NEK10: variants seen among roughly 807,000 people sequenced by gnomAD.
The protein encoded by NEK10 is serine/threonine-protein kinase Nek10.
In NEK10, 122 loss-of-function variants were observed where a neutral mutation model predicts 159.8. That is an observed-to-expected ratio of 0.76 (90% CI 0.66 to 0.89). The LOEUF is 0.89. Among genes scored for constraint, NEK10 ranks in the 40% least tolerant of loss-of-function variants. NEK10 has a pLI of 0.00. For missense variants in NEK10, 1,342 were observed against 1,323.1 expected (o/e 1.01, Z -0.22); for synonymous variants, 466 against 457.1 (o/e 1.02, Z -0.25).
In NEK10 at chr3:27,264,896, A is replaced by G. The variant is rs1208908868; in HGVS notation, c.2015-8525T>C. Among the ~76,000 whole-genome samples the G allele has an allele frequency of 1.5e-3, 7 of 4,546 alleles. No homozygotes were observed. In the East Asian group the frequency reaches 0.023, roughly 15 times the overall value. The allele number at this position is 4,546 out of a possible 152,430, so 3.0% of individuals were successfully genotyped here. On this transcript the variant is annotated intron_variant, in intron 22 of 35. Coordinates refer to ENST00000691995, the MANE Select transcript of NEK10 (RefSeq NM_001394966.1). The stretch of plus-strand genomic sequence containing the variant: ...GCAACATGAGCGAAAATCAGTCTAA[A>G]TAAATAAATAAATAAATAAATAAAT...
chr3:27,334,756 G>A (rs1364031724), intron 5 of NEK10, among the ~76,000 whole-genome samples: 2 of 152,090 alleles, frequency 1.3e-5, no homozygotes, highest in African/African-American at 4.8e-5. Context: ...CCATATGAAA[G>A]CCAATTTTAA....
chr3:27,287,518 G>A (rs1336241659), intron 20 of NEK10, among the ~76,000 whole-genome samples, 180 bp downstream of exon 20: 1 of 152,158 alleles, frequency 6.6e-6, no homozygotes, highest in African/African-American at 2.4e-5. Flanking sequence ...ATCTTCAGGT[G>A]ACTGACTAGG....
Position 27,327,637 on chromosome 3 carries a change from G to A in NEK10, c.363-5376C>T, listed in dbSNP as rs190265018. On this transcript the variant is annotated intron_variant, in intron 5 of 35. Coordinates refer to ENST00000691995, the MANE Select transcript of NEK10 (RefSeq NM_001394966.1). The stretch of plus-strand genomic sequence containing the variant: ...GGTTCCAAGTAAAAAGTCAGTCCAC[G>A]AAGCTGTGCTATTATAATGAAGCAG... Among the ~76,000 whole-genome samples the A allele has an allele frequency of 3.9e-5, 6 of 152,334 alleles. No homozygotes were observed. The East Asian group carries it at 5.8e-4, about 15-fold the overall frequency.
chr3:27,142,748 T>A (rs970749345), intron 30 of NEK10, among the ~76,000 whole-genome samples: 1 of 152,178 alleles, frequency 6.6e-6, no homozygotes, highest in Non-Finnish European at 1.5e-5. Flanking sequence ...CAACTTGTTT[T>A]ATTATAAGCA....
chr3:27,149,859 C>A (rs913981994), intron 30 of NEK10, among the ~76,000 whole-genome samples: 1 of 152,188 alleles, frequency 6.6e-6, no homozygotes, highest in Non-Finnish European at 1.5e-5. Context: ...GAAAGCTAGG[C>A]CTCTTGCATC....
At chr3:27,223,784 C>T (rs1373688400) in intron 23 of NEK10, among the ~76,000 whole-genome samples, 2 of 152,186 alleles carry the variant, frequency 1.3e-5, no homozygotes, top group African/African-American at 4.8e-5. Flanking sequence ...AAACACTCCC[C>T]TGAGGCTCCA....
At chr3:27,235,766 T>C (rs998654468) in intron 23 of NEK10, among the ~76,000 whole-genome samples, 3 of 152,160 alleles carry the variant, frequency 2.0e-5, no homozygotes, top group Admixed American at 1.3e-4. Context: ...ACTGGGTATA[T>C]ACCCAAAGGA....
intron 26 of NEK10, among the ~76,000 whole-genome samples, chr3:27,177,580 C>T (rs1239063155): frequency 6.6e-6 from 1 of 151,894 alleles, no homozygotes; most frequent in Non-Finnish European, 1.5e-5. Flanking sequence ...CTATAACAAT[C>T]CCTTGCAGCA....
intron 30 of NEK10, among the ~76,000 whole-genome samples, chr3:27,155,810 C>G (rs1279636388): frequency 6.6e-6 from 1 of 152,054 alleles, no homozygotes; most frequent in East Asian, 1.9e-4. Context: ...CATATGCAAC[C>G]AAAAAGGAGT....
chr3:27,339,034 A>G (rs1343592386), intron 5 of NEK10, among the ~76,000 whole-genome samples: 3 of 152,212 alleles, frequency 2.0e-5, no homozygotes, highest in Non-Finnish European at 4.4e-5. Flanking sequence ...ATATTTACAA[A>G]CTATTCATCA....
At chr3:27,257,653 A>G (rs916887019) in intron 22 of NEK10, among the ~76,000 whole-genome samples, 1 of 152,210 alleles carries the variant, frequency 6.6e-6, no homozygotes, top group Non-Finnish European at 1.5e-5. Context: ...AGGTATTATC[A>G]TTAGTATAGC....
At chr3:27,291,708 T>G (rs895356499) in intron 16 of NEK10, 122 bp from the exon 17 acceptor site, 1 of 628,522 alleles carries the variant, frequency 1.6e-6, no homozygotes, top group African/African-American at 1.8e-5. Flanking sequence ...AGTGGCACGA[T>G]CTCAGCTCAC....
chr3:27,279,048 T>C (rs145052249), intron 22 of NEK10: 87 of 437,128 alleles, frequency 2.0e-4, no homozygotes, highest in African/African-American at 1.5e-3. Flanking sequence ...TAAAAATATA[T>C]AGCATTTGCA....
chr3:27,201,361 G>T, intron 25 of NEK10, 149 bp downstream of exon 25: 1 of 663,160 alleles, frequency 1.5e-6, no homozygotes, highest in Non-Finnish European at 2.6e-6. Flanking sequence ...AATAGTCACT[G>T]TTACTGATGA....
chr3:27,339,263 G>C (rs2047030844), intron 5 of NEK10, among the ~76,000 whole-genome samples: 2 of 151,566 alleles, frequency 1.3e-5, no homozygotes, highest in Admixed American at 6.6e-5. Flanking sequence ...CCTTGTCCAT[G>C]CCTATAAATG....
chr3:27,290,257 G>T (rs1015643957), intron 19 of NEK10, among the ~76,000 whole-genome samples: 1 of 152,142 alleles, frequency 6.6e-6, no homozygotes, highest in African/African-American at 2.4e-5. Context: ...TTTGGCAAAA[G>T]TCAAGAAACT....
rs991672620 is a variant in NEK10, at chr3:27,352,530, G to C, written c.72-5C>G. ...CTTTTAAGATCTGAATAGTCCCTAG[G>C]AGAGAGAATAACACAATGTGAACCC... On this transcript the variant is annotated splice_region_variant and splice_polypyrimidine_tract_variant and intron_variant, in intron 2 of 35. Coordinates refer to ENST00000691995, the MANE Select transcript of NEK10 (RefSeq NM_001394966.1). The C allele has an allele frequency of 1.3e-5, 21 of 1,602,816 alleles. No individual in the cohort carries two copies. Among genetic ancestry groups the C allele is most frequent in the Non-Finnish European group, 1.8e-5 (21 of 1,170,038 alleles).
chr3:27,275,770 C>A (rs1210049786), intron 22 of NEK10, among the ~76,000 whole-genome samples: 2 of 152,064 alleles, frequency 1.3e-5, no homozygotes, highest in Non-Finnish European at 2.9e-5. Context: ...AATTTCTCAG[C>A]CACAGTTTAG....
At chr3:27,197,796 CTT>C (rs35835923) in intron 25 of NEK10, among the ~76,000 whole-genome samples, 91 of 146,156 alleles carry the variant, frequency 6.2e-4, no homozygotes, top group Admixed American at 1.1e-3. Context: ...TACTTTCTTT[CTT>C]TTTTTTTTTT....
Sources: allele counts gnomAD v4.1 joint callset (sites outside exome capture counted in the v4.1 genomes callset), GRCh38; gene constraint gnomAD v4.1.1; transcripts MANE v1.5; gene names NCBI Gene and HGNC (gene_info 2026-07-23, HGNC 2026-07-21).